Variants in LINGO2 observed in about 807,000 individuals in gnomAD.
LINGO2 encodes leucine-rich repeat and immunoglobulin-like domain-containing nogo receptor-interacting protein 2.
In LINGO2, 14 loss-of-function variants were observed where a neutral mutation model predicts 30.6. The observed-to-expected ratio is 0.46, with a 90% CI of 0.30 to 0.72. The LOEUF is 0.72. Among genes scored for constraint, LINGO2 ranks in the 30% least tolerant of loss-of-function variants. The pLI, the probability that LINGO2 is intolerant of heterozygous loss-of-function variation, is 0.07. For synonymous variants in LINGO2, 317 were observed against 288.5 expected (o/e 1.10, Z -1.00); for missense variants, 729 against 751.7 (o/e 0.97, Z 0.35).
intron 1 of LINGO2, among the ~76,000 whole-genome samples, chr9:28,595,123 T>A (rs1825114588): frequency 6.6e-6 from 1 of 152,034 alleles, no homozygotes; most frequent in Non-Finnish European, 1.5e-5. Flanking sequence ...CCATCAACAA[T>A]CCTCTTGAGC....
At chr9:28,273,152 T>C (rs559740202) in intron 4 of LINGO2, among the ~76,000 whole-genome samples, 3 of 152,318 alleles carry the variant, frequency 2.0e-5, no homozygotes, top group African/African-American at 7.2e-5. Context: ...GTTCCTCATA[T>C]CCAACATAAT....
intron 1 of LINGO2, among the ~76,000 whole-genome samples, chr9:28,632,586 T>C (rs1037636743): frequency 6.9e-6 from 1 of 145,122 alleles, no homozygotes; most frequent in Non-Finnish European, 1.5e-5. Context: ...TATATGTCGA[T>C]ATATGTAAAT....
At chr9:28,731,876 A>G in the LINGO2 span, among the ~76,000 whole-genome samples, 2 of 152,110 alleles carry the variant, frequency 1.3e-5, no homozygotes, top group Admixed American at 6.6e-5. Flanking sequence ...TCTCTATACT[A>G]TTTCTTATAA....
the LINGO2 span, among the ~76,000 whole-genome samples, chr9:28,843,509 GAGA>G: frequency 6.6e-6 from 1 of 151,692 alleles, no homozygotes; most frequent in Non-Finnish European, 1.5e-5. Context: ...GATAAGGGAA[GAGA>G]AGGAGTGGCA....
At position 28,157,657 on chromosome 9, in the gene LINGO2, A is replaced by C. The variant is rs142956108; in HGVS notation, c.-87+137551T>G. On this transcript the variant is annotated intron_variant, in intron 4 of 5. Transcript: ENST00000379992. ...ATTTTCTGAACTTTTATGTTCTGCTATCCTTATAAAACTGACTGACTTTAA... is the reference window on the plus strand; with the variant it reads ...ATTTTCTGAACTTTTATGTTCTGCTCTCCTTATAAAACTGACTGACTTTAA... Among the ~76,000 whole-genome samples the C allele has an allele frequency of 3.7e-3, 561 of 152,170 alleles. 3 individuals are homozygous for C. The highest frequency in any genetic ancestry group is 8.3e-3 in the South Asian group (40 of 4,820).
rs370472010 is a variant in LINGO2, at chr9:27,950,701, A to G, written c.-30T>C. On this transcript the variant is annotated 5_prime_UTR_variant, in exon 6 of 6. An upstream open reading frame in the 5' UTR loses its in-frame stop. Transcript: ENST00000379992. ...CCACTTCTTAGTCTACACCTTGGTC[A>G]CGGGTCTGCATGGAAGGGACACAAG... 2.0e-6 allele frequency: 3 copies of G among 1,486,178 alleles called. No individual in the cohort carries two copies. Among genetic ancestry groups the G allele is most frequent in the African/African-American group, 1.4e-5 (1 of 71,192 alleles). The allele number at this position is 1,486,178 out of a possible 1,614,324, so 92.1% of individuals were successfully genotyped here.
At chr9:28,003,519 C>T (rs1286971387) in intron 5 of LINGO2, among the ~76,000 whole-genome samples, 1 of 152,080 alleles carries the variant, frequency 6.6e-6, no homozygotes, top group East Asian at 1.9e-4. Context: ...AGTACAGTGG[C>T]ACAATCTCGG....
At chr9:27,976,184 C>T (rs1294515647) in intron 5 of LINGO2, among the ~76,000 whole-genome samples, 1 of 152,126 alleles carries the variant, frequency 6.6e-6, no homozygotes, top group Non-Finnish European at 1.5e-5. Context: ...GTGCTTAGAG[C>T]AGTGTCTGCC....
intron 4 of LINGO2, among the ~76,000 whole-genome samples, chr9:28,021,695 A>T (rs898416114): frequency 6.6e-6 from 1 of 152,030 alleles, no homozygotes; most frequent in African/African-American, 2.4e-5. Context: ...TACATCTTGG[A>T]TTGTTATGTA....
intron 1 of LINGO2, among the ~76,000 whole-genome samples, chr9:28,651,836 C>A (rs988078488): frequency 9.2e-5 from 14 of 152,074 alleles, no homozygotes; most frequent in Non-Finnish European, 1.6e-4. Context: ...CCATTTAATT[C>A]TTCTGCCTCT....
the LINGO2 span, among the ~76,000 whole-genome samples, chr9:29,032,195 A>G: frequency 1.1e-4 from 17 of 152,308 alleles, no homozygotes; most frequent in Admixed American, 3.3e-4. Context: ...AGGCATATTC[A>G]GTGGCTTATT....
intron 4 of LINGO2, among the ~76,000 whole-genome samples, chr9:28,159,788 C>T (rs775118257): frequency 6.6e-5 from 10 of 152,228 alleles, no homozygotes; most frequent in Admixed American, 6.5e-5. Context: ...TAACTATAAA[C>T]GATAAACATT....
intron 3 of LINGO2, among the ~76,000 whole-genome samples, chr9:28,354,337 T>C (rs1285785921): frequency 1.3e-5 from 2 of 152,194 alleles, no homozygotes; most frequent in Non-Finnish European, 2.9e-5. Context: ...TGCAAATTCA[T>C]GTTAACCTAT....
chr9:28,895,094 A>C, the LINGO2 span, among the ~76,000 whole-genome samples: 1 of 152,156 alleles, frequency 6.6e-6, no homozygotes, highest in Non-Finnish European at 1.5e-5. Flanking sequence ...CAAAGCCTTC[A>C]TCATACATGT....
chr9:29,167,827 C>T, the LINGO2 span, among the ~76,000 whole-genome samples: 1 of 152,064 alleles, frequency 6.6e-6, no homozygotes, highest in Non-Finnish European at 1.5e-5. Context: ...ATGACTTATT[C>T]CACCTATTTT....
At chr9:28,035,108 C>T (rs1003860159) in intron 4 of LINGO2, among the ~76,000 whole-genome samples, 2 of 152,210 alleles carry the variant, frequency 1.3e-5, no homozygotes, top group South Asian at 2.1e-4. Flanking sequence ...TATGCATTAG[C>T]TTGCAGCACC....
In LINGO2 at chr9:28,445,592, C is replaced by T. The variant is rs189703057; in HGVS notation, c.-279+30348G>A. On this transcript the variant is annotated intron_variant, in intron 2 of 5. Coordinates refer to ENST00000379992, the Ensembl canonical transcript of LINGO2. ...TTTTTTTTACATATTTTATTGCTCC[C>T]TTTGTTCCATCAGAATAATGTGTAC... Among the ~76,000 whole-genome samples the T allele has an allele frequency of 5.1e-3, 777 of 152,268 alleles. 1 individual carries two copies. Among genetic ancestry groups the T allele is most frequent in the Non-Finnish European group, 7.0e-3 (478 of 68,022 alleles).
At chr9:28,911,823 A>C in the LINGO2 span, among the ~76,000 whole-genome samples, 2 of 152,076 alleles carry the variant, frequency 1.3e-5, no homozygotes, top group East Asian at 3.9e-4. Context: ...CTCTCCATCT[A>C]GTTCAACAGT....
intron 4 of LINGO2, among the ~76,000 whole-genome samples, chr9:28,038,854 A>G (rs1315115835): frequency 2.0e-5 from 3 of 152,250 alleles, no homozygotes; most frequent in African/African-American, 7.2e-5. Context: ...AACCACAGCA[A>G]TATTTTTAAA....
Sources: gnomAD v4.1 joint callset for allele counts (sites outside exome capture counted in the v4.1 genomes callset) on GRCh38, gnomAD v4.1.1 for gene constraint, MANE v1.5 for transcripts, NCBI Gene and HGNC (gene_info 2026-07-23, HGNC 2026-07-21) for gene names.